ETV5: variants seen among roughly 807,000 people sequenced by gnomAD.
The protein encoded by ETV5 is ETS translocation variant 5.
A neutral mutation model predicts 70.0 loss-of-function variants in ETV5; 10 were observed. The ratio of observed to expected loss-of-function variants is 0.14; its 90% CI spans 0.09 to 0.24. ETV5 has a LOEUF of 0.24. Ranked by LOEUF, ETV5 falls within the 10% of genes least tolerant of loss-of-function variation. The pLI is 1.00. For synonymous variants in ETV5, 216 were observed against 242.2 expected, an observed-to-expected ratio of 0.89 and a Z score of 1.01; for missense variants, 453 against 651.2, an observed-to-expected ratio of 0.70 and a Z score of 3.31.
intron 12 of ETV5, among the ~76,000 whole-genome samples, chr3:186,050,496 G>A (rs1176093060): frequency 6.6e-6 from 1 of 152,180 alleles, no homozygotes; most frequent in African/African-American, 2.4e-5. Context: ...CAACTCTAAG[G>A]AGGATAGAGG....
intron 6 of ETV5, 46 bp downstream of exon 6, chr3:186,081,000 A>AGAGCCTTTCTG: frequency 1.3e-6 from 2 of 1,569,548 alleles, no homozygotes; most frequent in Non-Finnish European, 1.7e-6. Context: ...GGCTACTTCC[A>AGAGCCTTTCTG]GAGCCTTTCT....
rs1005366501 is a variant in ETV5, at chr3:186,079,116, C to T, written c.650+701G>A. 3.8e-6 allele frequency: 4 copies of T among 1,061,824 alleles called. No homozygotes were observed. The Admixed American group carries it at 2.2e-4, about 57-fold the overall frequency. The allele number at this position is 1,061,824 out of a possible 1,614,324, so 65.8% of individuals were successfully genotyped here. A position where few individuals can be genotyped will look rare whatever the true frequency, so the allele number is the denominator to read the frequency against. On this transcript the variant is annotated intron_variant, in intron 7 of 12. Transcript: ENST00000306376. ...GAAACTTGAAATAAAGACAGGCCCC[C>T]AGCACATCTTCTATAAAAGAAGGCC... is the stretch of plus-strand genomic sequence containing the variant.
At chr3:186,070,943 ATTTGGT>A (rs1713616813) in intron 7 of ETV5, among the ~76,000 whole-genome samples, 1 of 152,208 alleles carries the variant, frequency 6.6e-6, no homozygotes, top group Admixed American at 6.5e-5. Context: ...AGGAACTCAC[ATTTGGT>A]GAGCAAAGGG....
rs1177942434 is a variant in ETV5, at chr3:186,046,560, C to T, written c.*2079G>A. The T allele has an allele frequency of 1.3e-5, 3 of 230,958 alleles. No individual in the cohort carries two copies. Among genetic ancestry groups the T allele is most frequent in the Non-Finnish European group, 2.6e-5 (3 of 116,950 alleles). 14.3% of individuals were successfully genotyped at this position (230,958 alleles called of 1,614,324 possible). A position where few individuals can be genotyped will look rare whatever the true frequency, so the allele number is the denominator to read the frequency against. On this transcript the variant is annotated 3_prime_UTR_variant, in exon 13 of 13. Coordinates refer to ENST00000306376, the MANE Select transcript of ETV5 (RefSeq NM_004454.3). ...TCCAATGGGAATGCAACCGTGATGC[C>T]GCTGTCCTATGCCCAGTGACAGCAC...
In ETV5 at chr3:186,105,977, G is replaced by C. The variant is rs533581502; in HGVS notation, c.-74-35C>G. On this transcript the variant is annotated intron_variant, in intron 1 of 12. Coordinates refer to ENST00000306376, the MANE Select transcript of ETV5 (RefSeq NM_004454.3). The surrounding 1 kb of genome is among the most constrained non-coding windows in gnomAD (Gnocchi z 4.5). Reference sequence around the variant, plus strand: ...GAATTTGGGAGATTTTAACTAAGAGGGGGGAAAAAAAGAAATGAAACAATT... The same window carrying C: ...GAATTTGGGAGATTTTAACTAAGAGCGGGGAAAAAAAGAAATGAAACAATT... The C allele has an allele frequency of 1.4e-6, 2 of 1,429,394 alleles. No homozygotes were observed. The highest frequency in any genetic ancestry group is 2.1e-5 in the Admixed American group (1 of 47,456). 88.5% of individuals were successfully genotyped at this position (1,429,394 alleles called of 1,614,324 possible).
At position 186,057,572 on chromosome 3, in the gene ETV5, T is replaced by C. The variant is rs2150142498; in HGVS notation, c.971-81A>G. 8.5e-7 allele frequency: 1 copy of C among 1,175,888 alleles called. No individual in the cohort carries two copies. The highest frequency in any genetic ancestry group is 1.3e-6 in the Non-Finnish European group (1 of 784,390). 72.8% of individuals were successfully genotyped at this position (1,175,888 alleles called of 1,614,324 possible). A position where few individuals can be genotyped will look rare whatever the true frequency, so the allele number is the denominator to read the frequency against. On this transcript the variant is annotated intron_variant, in intron 9 of 12. Coordinates refer to ENST00000306376, the MANE Select transcript of ETV5 (RefSeq NM_004454.3). The surrounding 1 kb of genome is among the most constrained non-coding windows in gnomAD (Gnocchi z 4.9). ...AAAACTATGGATTTAAGGACTAGAGTGCAATCCTATCATTTCAGATCCTAA... is the reference window on the plus strand; with the variant it reads ...AAAACTATGGATTTAAGGACTAGAGCGCAATCCTATCATTTCAGATCCTAA...
chr3:186,080,185 T>C, intron 6 of ETV5, 81 bp from the exon 7 acceptor site: 1 of 1,189,518 alleles, frequency 8.4e-7, no homozygotes, highest in South Asian at 2.0e-5. Context: ...GAAAGCTAGT[T>C]TGCAGCCCAT....
At chr3:186,093,086 T>C (rs968048796) in intron 5 of ETV5, among the ~76,000 whole-genome samples, 1 of 152,166 alleles carries the variant, frequency 6.6e-6, no homozygotes, top group Non-Finnish European at 1.5e-5. Context: ...AGATACAGGA[T>C]AGATTCAACA....
chr3:186,082,596 T>G (rs1713958575), intron 5 of ETV5, among the ~76,000 whole-genome samples: 2 of 152,152 alleles, frequency 1.3e-5, no homozygotes, highest in South Asian at 2.1e-4. Flanking sequence ...AATTTTTGTA[T>G]TTTTAGTAAA....
rs141915182 is a variant in ETV5, at chr3:186,094,849, C to G, written c.232+10456G>C. ...AAGTAACATGCTTGTGAGTACGGAACTGACTCCAGGAGAGTCAAGATAAAA... is the reference window on the plus strand; with the variant it reads ...AAGTAACATGCTTGTGAGTACGGAAGTGACTCCAGGAGAGTCAAGATAAAA... On this transcript the variant is annotated intron_variant, in intron 5 of 12. Transcript: ENST00000306376. 6.5e-3 allele frequency among the ~76,000 whole-genome samples: 987 copies of G among 152,304 alleles called. 31 individuals are homozygous for G. The highest frequency in any genetic ancestry group is 0.046 in the Admixed American group (703 of 15,292).
chr3:186,091,887 G>A (rs1714190706), intron 5 of ETV5, among the ~76,000 whole-genome samples: 2 of 152,230 alleles, frequency 1.3e-5, no homozygotes, highest in African/African-American at 4.8e-5. Context: ...GAAATACCAG[G>A]ATGTAATAGC....
intron 5 of ETV5, among the ~76,000 whole-genome samples, chr3:186,100,394 G>C (rs908918074): frequency 3.3e-5 from 5 of 152,150 alleles, no homozygotes; most frequent in Admixed American, 3.3e-4. Flanking sequence ...GCAAGAAAAC[G>C]TGGTGTTTTG....
At chr3:186,091,254 C>T (rs910462439) in intron 5 of ETV5, among the ~76,000 whole-genome samples, 3 of 152,210 alleles carry the variant, frequency 2.0e-5, no homozygotes, top group African/African-American at 7.2e-5. Flanking sequence ...AGCTTCAGAA[C>T]TGGCACAGCT....
At chr3:186,050,081 C>G (rs536942241) in intron 12 of ETV5, among the ~76,000 whole-genome samples, 2 of 152,248 alleles carry the variant, frequency 1.3e-5, no homozygotes, top group African/African-American at 4.8e-5. Flanking sequence ...AATAATAACC[C>G]CTTCCTTACA....
chr3:186,063,492 G>T (rs958033404), intron 9 of ETV5, among the ~76,000 whole-genome samples: 1 of 152,204 alleles, frequency 6.6e-6, no homozygotes, highest in Non-Finnish European at 1.5e-5. Flanking sequence ...AGAGTGAGAT[G>T]ATCTCAGAGA....
At chr3:186,096,036 A>G (rs749564269) in intron 5 of ETV5, among the ~76,000 whole-genome samples, 34 of 152,338 alleles carry the variant, frequency 2.2e-4, no homozygotes, top group Admixed American at 1.4e-3. Context: ...TTCCTGTTTC[A>G]ATAGGCATAA....
At chr3:186,088,262 A>G (rs1714103476) in intron 5 of ETV5, among the ~76,000 whole-genome samples, 1 of 152,218 alleles carries the variant, frequency 6.6e-6, no homozygotes, top group African/African-American at 2.4e-5. Flanking sequence ...AGCTGACCAG[A>G]GCACTGACAC....
chr3:186,070,100 C>T (rs1713565072), intron 7 of ETV5, among the ~76,000 whole-genome samples: 1 of 152,206 alleles, frequency 6.6e-6, no homozygotes, highest in African/African-American at 2.4e-5. Flanking sequence ...GTGTGAGCCA[C>T]GGCGCCCGGC....
In ETV5 at chr3:186,065,904, A is replaced by G. The variant is rs139774137; in HGVS notation, c.819T>C (p.His273=). 52 of 1,613,874 alleles carry G rather than the reference A, an allele frequency of 3.2e-5. No individual in the cohort carries two copies. In the African/African-American group the frequency reaches 6.8e-4, roughly 21 times the overall value. The change falls in exon 8 of 13, where the codon CAT becomes CAC. Residue 273 remains histidine, a synonymous_variant. Coordinates refer to ENST00000306376, the MANE Select transcript of ETV5 (RefSeq NM_004454.3). Reference sequence around the variant, plus strand: ...GGGGCCCTGGCATGCCCGGGACCCCATGTTCATAGAGTGGGTCATGGTATT... The same window carrying G: ...GGGGCCCTGGCATGCCCGGGACCCCGTGTTCATAGAGTGGGTCATGGTATT... ...KQEYHDPLYE[H]GVPGMPGPPA...
Sources: allele counts gnomAD v4.1 joint callset (sites outside exome capture counted in the v4.1 genomes callset), GRCh38; gene constraint gnomAD v4.1.1; non-coding constraint Gnocchi (gnomAD v3.1); transcripts MANE v1.5; gene names NCBI Gene and HGNC (gene_info 2026-07-23, HGNC 2026-07-21).